Variants in VAV2 observed in about 807,000 individuals in gnomAD.
VAV2 encodes the protein vav guanine nucleotide exchange factor 2.
Under a neutral mutation model 132.5 loss-of-function variants are expected in VAV2, and 67 were observed. The ratio of observed to expected loss-of-function variants is 0.51; its 90% CI spans 0.42 to 0.62. The LOEUF is 0.62. Ranked by LOEUF, VAV2 falls within the 20% of genes least tolerant of loss-of-function variation. The pLI is 0.00. For missense variants in VAV2, 938 were observed against 1,153.6 expected (o/e 0.81, Z 2.71); for synonymous variants, 492 against 443.5 (o/e 1.11, Z -1.37).
At chr9:133,933,570 ATG>A (rs1840766639) in intron 2 of VAV2, among the ~76,000 whole-genome samples, 1 of 149,396 alleles carries the variant, frequency 6.7e-6, no homozygotes, top group Non-Finnish European at 1.5e-5. Flanking sequence ...GGATGGATGG[ATG>A]GATGGTGGAT....
rs1158029848 is a variant in VAV2 at position 133,804,242 on chromosome 9, G to A, written c.836+1839C>T. 1.3e-5 allele frequency among the ~76,000 whole-genome samples: 2 copies of A among 152,202 alleles called. No individual in the cohort carries two copies. The highest frequency in any genetic ancestry group is 4.8e-5 in the African/African-American group (2 of 41,452). On this transcript the variant is annotated intron_variant, in intron 9 of 29. Transcript: ENST00000371850. This position sits in a 1 kb window ranked among gnomAD's most constrained non-coding sequence, Gnocchi z 4.5. ...AAGCTGGATGCTGGGACAGAACCACGATGATTTGGTGATGAGCTCTGATGA... is the reference window on the plus strand; with the variant it reads ...AAGCTGGATGCTGGGACAGAACCACAATGATTTGGTGATGAGCTCTGATGA...
chr9:133,764,681 C>T (rs932042277), intron 29 of VAV2, among the ~76,000 whole-genome samples: 13 of 152,068 alleles, frequency 8.5e-5, no homozygotes, highest in African/African-American at 3.1e-4. Context: ...AACTGTAAGA[C>T]AGGTCACCAG....
In VAV2 at chr9:133,961,842, A is replaced by G. The variant is rs2132225134; in HGVS notation, c.205-22623T>C. 6.6e-6 allele frequency among the ~76,000 whole-genome samples: 1 copy of G among 152,206 alleles called. No homozygotes were observed. Among genetic ancestry groups the G allele is most frequent in the South Asian group, 2.1e-4 (1 of 4,806 alleles). On this transcript the variant is annotated intron_variant, in intron 1 of 29. Transcript: ENST00000371850. The surrounding 1 kb of genome is among the most constrained non-coding windows in gnomAD (Gnocchi z 4.1). The stretch of plus-strand genomic sequence containing the variant: ...TGGCCCCTCGTTCTGGTGGCCACGC[A>G]GGCCTAGGCTGGGAACAGGGAGACC...
Position 133,991,375 on chromosome 9 carries a change from C to T in VAV2, c.204+700G>A, listed in dbSNP as rs1843010435. Among the ~76,000 whole-genome samples the T allele has an allele frequency of 6.6e-6, 1 of 152,192 alleles. No individual in the cohort carries two copies. The highest frequency in any genetic ancestry group is 1.5e-5 in the Non-Finnish European group (1 of 68,018). On this transcript the variant is annotated intron_variant, in intron 1 of 29. Transcript: ENST00000371850. The surrounding 1 kb of genome is among the most constrained non-coding windows in gnomAD (Gnocchi z 4.8). ...GGCCGCACGCGTGCCTCCGCCGCGA[C>T]AAAGGCCACACTCAGCGCCCGAAGG...
intron 2 of VAV2, among the ~76,000 whole-genome samples, chr9:133,934,195 C>T (rs1840820866): frequency 8.6e-6 from 1 of 115,866 alleles, no homozygotes. Context: ...CAAGGAATGA[C>T]TCCCACAACA....
intron 2 of VAV2, among the ~76,000 whole-genome samples, chr9:133,870,620 C>T (rs140578361): frequency 0.015 from 2,243 of 152,006 alleles, 34 homozygotes; most frequent in African/African-American, 0.015. Context: ...ACCAGCAGCC[C>T]GAATCTTTGT....
chr9:133,835,401 G>C (rs1008509019), intron 3 of VAV2, among the ~76,000 whole-genome samples: 1 of 148,928 alleles, frequency 6.7e-6, no homozygotes, highest in Non-Finnish European at 1.5e-5. Flanking sequence ...GGGGAGAGGC[G>C]GAAGGGAGGG....
In VAV2 at chr9:133,809,597, G is replaced by A. The variant is rs905941041; in HGVS notation, c.568-459C>T. Reference sequence around the variant, plus strand: ...GCAGACCACATCCACCATTGCACATGTCAGTACAGCCACCTGCAGGCTGGA... The same window carrying A: ...GCAGACCACATCCACCATTGCACATATCAGTACAGCCACCTGCAGGCTGGA... On this transcript the variant is annotated intron_variant, in intron 6 of 29. Coordinates refer to ENST00000371850, the MANE Select transcript of VAV2 (RefSeq NM_001134398.2). 2.0e-5 allele frequency among the ~76,000 whole-genome samples: 3 copies of A among 152,192 alleles called. 1 individual carries two copies. Among genetic ancestry groups the A allele is most frequent in the Admixed American group, 1.3e-4 (2 of 15,288 alleles).
chr9:133,962,161 G>A (rs949058474), intron 1 of VAV2, among the ~76,000 whole-genome samples: 3 of 152,166 alleles, frequency 2.0e-5, no homozygotes, highest in Non-Finnish European at 4.4e-5. Flanking sequence ...ACCCTCCTGG[G>A]CACAGAGGGG....
At chr9:133,970,522 C>T (rs895532116) in intron 1 of VAV2, among the ~76,000 whole-genome samples, 4 of 152,260 alleles carry the variant, frequency 2.6e-5, no homozygotes, top group Admixed American at 6.5e-5. Context: ...AGGCTGTCCA[C>T]GGCACCCACA....
chr9:133,793,770 C>G (rs1834595024), intron 12 of VAV2, among the ~76,000 whole-genome samples: 1 of 152,018 alleles, frequency 6.6e-6, no homozygotes, highest in Non-Finnish European at 1.5e-5. Context: ...GGAGACAAAC[C>G]TCAGGCCCAC....
chr9:133,892,972 G>T (rs1351630787), intron 2 of VAV2, among the ~76,000 whole-genome samples: 9 of 152,210 alleles, frequency 5.9e-5, no homozygotes, highest in Admixed American at 5.9e-4. Flanking sequence ...ACTTCAAAGT[G>T]AGACCAGGAA....
chr9:133,974,081 A>G (rs1297345557), intron 1 of VAV2, among the ~76,000 whole-genome samples: 1 of 152,006 alleles, frequency 6.6e-6, no homozygotes, highest in African/African-American at 2.4e-5. Flanking sequence ...CTAAAAGGTC[A>G]CTTCCTCCAG....
chr9:133,945,299 G>A (rs1037360700), intron 1 of VAV2, among the ~76,000 whole-genome samples: 1 of 152,208 alleles, frequency 6.6e-6, no homozygotes, highest in Non-Finnish European at 1.5e-5. Flanking sequence ...GAGATGGGGA[G>A]GCACTGAGTG....
intron 11 of VAV2, 74 bp downstream of exon 11, chr9:133,796,355 C>A: frequency 1.5e-6 from 2 of 1,322,362 alleles, no homozygotes; most frequent in Non-Finnish European, 1.1e-6. Context: ...CAACCTATAC[C>A]CCCTGGAAGC....
At chr9:133,781,690 G>T (rs902596429) in intron 19 of VAV2, among the ~76,000 whole-genome samples, 4 of 152,222 alleles carry the variant, frequency 2.6e-5, no homozygotes, top group African/African-American at 7.2e-5. Flanking sequence ...CAGAGCAAAG[G>T]TAGAAGCCTG....
At chr9:133,893,021 C>T (rs1452624579) in intron 2 of VAV2, among the ~76,000 whole-genome samples, 3 of 152,316 alleles carry the variant, frequency 2.0e-5, no homozygotes, top group African/African-American at 4.8e-5. Context: ...TTTTGCTGGG[C>T]GGTGAGGGGC....
intron 1 of VAV2, among the ~76,000 whole-genome samples, chr9:133,976,218 T>A (rs551104868): frequency 6.9e-4 from 103 of 150,206 alleles, no homozygotes; most frequent in African/African-American, 2.2e-3. Flanking sequence ...AAAAAAAAAA[T>A]GCTATGTTGG....
intron 2 of VAV2, among the ~76,000 whole-genome samples, chr9:133,906,692 T>C (rs1038441221): frequency 6.6e-6 from 1 of 152,146 alleles, no homozygotes. Context: ...AAGTCACCCA[T>C]GACCTCACGC....
Sources: gnomAD v4.1 joint callset for allele counts (sites outside exome capture counted in the v4.1 genomes callset) on GRCh38, gnomAD v4.1.1 for gene constraint, Gnocchi (gnomAD v3.1) non-coding constraint, MANE v1.5 for transcripts, NCBI Gene and HGNC (gene_info 2026-07-23, HGNC 2026-07-21) for gene names.